PDE4A: variants seen among roughly 807,000 people sequenced by gnomAD.
PDE4A encodes the protein 3',5'-cyclic-AMP phosphodiesterase 4A.
PDE4A carries 21 observed loss-of-function variants against 73.9 expected under a neutral mutation model. The ratio of observed to expected loss-of-function variants is 0.28; its 90% CI spans 0.20 to 0.41. PDE4A has a LOEUF of 0.41. Ranked by LOEUF, PDE4A falls within the 10% of genes least tolerant of loss-of-function variation. The pLI, the probability that PDE4A is intolerant of heterozygous loss-of-function variation, is 1.00. For missense variants in PDE4A, 958 were observed against 1,211.4 expected (o/e 0.79, Z 3.10); for synonymous variants, 463 against 505.4 (o/e 0.92, Z 1.13).
At chr19:10,433,264 T>C (rs184430429) in intron 1 of PDE4A, among the ~76,000 whole-genome samples, 1 of 152,074 alleles carries the variant, frequency 6.6e-6, no homozygotes, top group African/African-American at 2.4e-5. Flanking sequence ...AGTTGACTCA[T>C]GGCCACACAC....
upstream of PDE4A, chr19:10,417,510 G>A (rs1389282071): frequency 7.0e-7 from 1 of 1,427,478 alleles, no homozygotes; most frequent in African/African-American, 1.4e-5. Context: ...CACCCTCTGT[G>A]TGAGGGGTCA....
At chr19:10,442,293 G>T (rs577105883) in intron 1 of PDE4A, among the ~76,000 whole-genome samples, 24 of 152,260 alleles carry the variant, frequency 1.6e-4, no homozygotes, top group Admixed American at 1.0e-3. Flanking sequence ...GGAGGCTGAG[G>T]TGGGCAGATC....
chr19:10,416,818 C>G, upstream of PDE4A: 1 of 1,525,734 alleles, frequency 6.6e-7, no homozygotes, highest in Non-Finnish European at 8.8e-7. Flanking sequence ...GGGGCGGGTT[C>G]TAGGCCCGAC....
chr19:10,448,710 T>C (rs2043047797), intron 2 of PDE4A: 1 of 514,874 alleles, frequency 1.9e-6, no homozygotes. Context: ...TCCCCGGACC[T>C]ACCTGAGCCA....
At chr19:10,459,799 T>C in intron 10 of PDE4A, 40 bp downstream of exon 10, 1 of 1,564,264 alleles carries the variant, frequency 6.4e-7, no homozygotes, top group Non-Finnish European at 8.7e-7. Context: ...CCATCTCTCT[T>C]TGTGACTGCC....
rs1169447529 is a variant in PDE4A at position 10,453,008 on chromosome 19, A to G, written c.784-1821A>G. On this transcript the variant is annotated intron_variant, in intron 6 of 14. Coordinates refer to ENST00000380702, the MANE Select transcript of PDE4A (RefSeq NM_001111307.2). The surrounding 1 kb of genome is among the most constrained non-coding windows in gnomAD (Gnocchi z 4.6). ...CCCTGCCCCCCTCCCATGGGCACGG[A>G]CCCCCCACCGCCTCCACCCACTGCC... The G allele has an allele frequency of 3.1e-6, 4 of 1,297,546 alleles. No individual in the cohort carries two copies. Among genetic ancestry groups the G allele is most frequent in the Admixed American group, 3.8e-5 (1 of 26,494 alleles). The allele number at this position is 1,297,546 out of a possible 1,614,324, so 80.4% of individuals were successfully genotyped here.
rs201557497 is a variant in PDE4A, at chr19:10,459,474, C to T, written c.1176C>T (p.Thr392=). ...VSDYAGGRSL[T]CIMYMIFQER... The stretch of plus-strand genomic sequence containing the variant: ...ATTACGCTGGAGGCCGCTCACTCAC[C>T]TGCATCATGTACATGATATTCCAGG... Residue 392 remains threonine, a synonymous_variant, in exon 9 of 15, where the codon ACC becomes ACT. Coordinates refer to ENST00000380702, the MANE Select transcript of PDE4A (RefSeq NM_001111307.2). The T allele has an allele frequency of 4.8e-5, 78 of 1,613,982 alleles. 1 individual carries two copies. Among genetic ancestry groups the T allele is most frequent in the South Asian group, 1.4e-4 (13 of 91,084 alleles).
intron 7 of PDE4A, among the ~76,000 whole-genome samples, chr19:10,457,496 C>T (rs111933320): frequency 0.025 from 3,675 of 148,114 alleles, 169 homozygotes; most frequent in African/African-American, 0.088. Flanking sequence ...CCCAGTGATG[C>T]CACCCCCCAC....
rs1219092145 is a variant in PDE4A, at chr19:10,448,935, C to T, written c.531C>T (p.Ile177=). Residue 177 remains isoleucine, a synonymous_variant, in exon 3 of 15, where the codon ATC becomes ATT. Coordinates refer to ENST00000380702, the MANE Select transcript of PDE4A (RefSeq NM_001111307.2). ...ATCACAGGCACGCTGAAGACCTCAT[C>T]GTAACACCATTTGCTCAGGTGAGAC... ...VTSEAHAEDL[I]VTPFAQVLAS... is the part of the protein sequence containing the mutation. The T allele has an allele frequency of 6.2e-6, 10 of 1,613,900 alleles. No homozygotes were observed. The highest frequency in any genetic ancestry group is 2.2e-5 in the East Asian group (1 of 44,890).
upstream of PDE4A, chr19:10,416,807 G>C: frequency 1.3e-6 from 2 of 1,518,780 alleles, no homozygotes; most frequent in Non-Finnish European, 8.8e-7. Context: ...GGCAAGTGGC[G>C]GGGGCGGGTT....
At chr19:10,430,102 G>A (rs1435093121) in intron 1 of PDE4A, among the ~76,000 whole-genome samples, 2 of 152,066 alleles carry the variant, frequency 1.3e-5, no homozygotes, top group East Asian at 1.9e-4. Context: ...GGGATGATGG[G>A]GAGCTCTGGA....
chr19:10,418,775 A>G (rs2042611254), upstream of PDE4A: 8 of 985,090 alleles, frequency 8.1e-6, no homozygotes, highest in Non-Finnish European at 9.6e-6. Context: ...CCGCTTCCAG[A>G]TCTCTAACCA....
chr19:10,427,414 G>A, intron 1 of PDE4A: 1 of 854,392 alleles, frequency 1.2e-6, no homozygotes, highest in Non-Finnish European at 1.4e-6. Context: ...TACGTTGGAG[G>A]CAAGTGTGTC....
At chr19:10,416,980 C>T, upstream of PDE4A, 1 of 1,541,726 alleles carries the variant, frequency 6.5e-7, no homozygotes, top group Non-Finnish European at 8.7e-7. Context: ...GTGGCAGGGA[C>T]CGGGGACGAG....
chr19:10,455,646 C>T (rs1395931746), intron 7 of PDE4A, among the ~76,000 whole-genome samples: 4 of 151,374 alleles, frequency 2.6e-5, no homozygotes, highest in Admixed American at 2.6e-4. Flanking sequence ...AACAAACAAA[C>T]AAACAAACAC....
At position 10,420,775 on chromosome 19, in the gene PDE4A, C is replaced by T; in HGVS notation, c.11C>T (p.Pro4Leu). 6.4e-7 allele frequency: 1 copy of T among 1,571,382 alleles called. No individual in the cohort carries two copies. Among genetic ancestry groups the T allele is most frequent in the Non-Finnish European group, 8.6e-7 (1 of 1,168,786 alleles). The change falls in exon 1 of 15, where the codon CCG becomes CTG. Residue 4 changes from proline to leucine, a missense_variant. Pro to Leu is a moderately conservative substitution (Grantham distance 98, BLOSUM62 -3). Coordinates refer to ENST00000380702, the MANE Select transcript of PDE4A (RefSeq NM_001111307.2). The surrounding 1 kb of genome is among the most constrained non-coding windows in gnomAD (Gnocchi z 6.0). ...GTGGGGGCCGGCGCCATGGAACCCC[C>T]GACCGTCCCCTCGGAAAGGAGCCTG... MEPPTVPSERSLSL... is the reference protein window; with the variant it reads MEPLTVPSERSLSL...
chr19:10,450,986 C>A, intron 6 of PDE4A, 45 bp downstream of exon 6: 2 of 1,277,850 alleles, frequency 1.6e-6, no homozygotes, highest in South Asian at 2.6e-5. Context: ...CAGGCGGGGG[C>A]GGGGCCAGTG....
chr19:10,453,229 G>A lies in PDE4A; in HGVS notation c.784-1600G>A. On this transcript the variant is annotated intron_variant, in intron 6 of 14. Transcript: ENST00000380702. The surrounding 1 kb of genome is among the most constrained non-coding windows in gnomAD (Gnocchi z 4.6). ...CCGGGACTCCCCAAGCCCAGCCTCT[G>A]TGTGCAGCAGCCCCAGGCGGGCTAA... The A allele has an allele frequency of 6.3e-7, 1 of 1,597,296 alleles. No homozygotes were observed.
chr19:10,455,217 C>CT (rs1186113154), intron 7 of PDE4A, among the ~76,000 whole-genome samples: 1 of 152,208 alleles, frequency 6.6e-6, no homozygotes, highest in Non-Finnish European at 1.5e-5. Context: ...AATCCCAACA[C>CT]TTTGGGAGGC....
Sources: allele counts gnomAD v4.1 joint callset (sites outside exome capture counted in the v4.1 genomes callset), GRCh38; gene constraint gnomAD v4.1.1; non-coding constraint Gnocchi (gnomAD v3.1); transcripts MANE v1.5; gene names NCBI Gene and HGNC (gene_info 2026-07-23, HGNC 2026-07-21).